Variants in KCNQ1 observed in about 807,000 individuals in gnomAD.
KCNQ1 encodes the protein potassium voltage-gated channel subfamily KQT member 1.
In KCNQ1, 49 loss-of-function variants were observed where a neutral mutation model predicts 72.4. The observed-to-expected ratio is 0.68, with a 90% confidence interval of 0.54 to 0.86. The LOEUF (loss-of-function observed/expected upper bound fraction) is 0.86, where lower values mean the gene tolerates loss of function less well. Among genes scored for constraint, KCNQ1 ranks in the 40% least tolerant of loss-of-function variants. The probability of loss-of-function intolerance (pLI) is 0.00; values close to 1 mark genes in which losing one functional copy is unlikely to be tolerated. For missense variants in KCNQ1, 790 were observed against 945.1 expected (o/e 0.84, Z 2.15); for synonymous variants, 450 against 412.6 (o/e 1.09, Z -1.10).
intron 2 of KCNQ1, among the ~76,000 whole-genome samples, chr11:2,545,613 TAG>T (rs1847893429): frequency 6.6e-6 from 1 of 152,166 alleles, no homozygotes; most frequent in Non-Finnish European, 1.5e-5. Flanking sequence ...AGGTGATTGA[TAG>T]GTGATAATTA....
In KCNQ1 at chr11:2,562,246, G is replaced by A. The variant is rs1328001910; in HGVS notation, c.478-8382G>A. On this transcript the variant is annotated intron_variant, in intron 2 of 15. Coordinates refer to ENST00000155840, the MANE Select transcript of KCNQ1 (RefSeq NM_000218.3). This position sits in a 1 kb window ranked among gnomAD's most constrained non-coding sequence, Gnocchi z 7.5. ...TGAGGGCGGGGGTGAGTGTGGATGA[G>A]GGCCCCAGCTGTGCCCAGCACGTCA... 6.6e-6 allele frequency among the ~76,000 whole-genome samples: 1 copy of A among 152,120 alleles called. No individual in the cohort carries two copies. Among genetic ancestry groups the A allele is most frequent in the East Asian group, 1.9e-4 (1 of 5,178 alleles).
Position 2,658,222 on chromosome 11 carries a change from T to C in KCNQ1, c.1394-3739T>C, listed in dbSNP as rs1326017699. On this transcript the variant is annotated intron_variant, in intron 10 of 15. Coordinates refer to ENST00000155840, the MANE Select transcript of KCNQ1 (RefSeq NM_000218.3). This position sits in a 1 kb window ranked among gnomAD's most constrained non-coding sequence, Gnocchi z 4.9. Reference sequence around the variant, plus strand: ...ACTAATTTCAGCATTCATTCATGGATCGTTTTCCTGCAGCAAATATTACCG... The same window carrying C: ...ACTAATTTCAGCATTCATTCATGGACCGTTTTCCTGCAGCAAATATTACCG... 2.5e-6 allele frequency: 1 copy of C among 398,486 alleles called. No homozygotes were observed. The highest frequency in any genetic ancestry group is 4.4e-5 in the Admixed American group (1 of 22,710). The allele number at this position is 398,486 out of a possible 1,614,324, so 24.7% of individuals were successfully genotyped here. A position where few individuals can be genotyped will look rare whatever the true frequency, so the allele number is the denominator to read the frequency against.
In KCNQ1 at chr11:2,647,768, A is replaced by ATAT; in HGVS notation, c.1394-14193_1394-14192insTAT. The stretch of plus-strand genomic sequence containing the variant: ...TTTATCTCTTTCCTCTAGGTTTTCT[A>ATAT]ATTGTTGACATATAGTTGTTCATAA... On this transcript the variant is annotated intron_variant, in intron 10 of 15. Coordinates refer to ENST00000155840, the MANE Select transcript of KCNQ1 (RefSeq NM_000218.3). This position sits in a 1 kb window ranked among gnomAD's most constrained non-coding sequence, Gnocchi z 4.0. The ATAT allele has an allele frequency of 2.5e-6, 1 of 398,352 alleles. No individual in the cohort carries two copies. Among genetic ancestry groups the ATAT allele is most frequent in the Non-Finnish European group, 4.4e-6 (1 of 226,008 alleles). 24.7% of individuals were successfully genotyped at this position (398,352 alleles called of 1,614,324 possible). A position where few individuals can be genotyped will look rare whatever the true frequency, so the allele number is the denominator to read the frequency against.
intron 11 of KCNQ1, among the ~76,000 whole-genome samples, chr11:2,726,134 G>A (rs1036491126): frequency 6.6e-6 from 1 of 152,208 alleles, no homozygotes; most frequent in African/African-American, 2.4e-5. Flanking sequence ...CACTAAGGAG[G>A]ACCACCTGCC....
At chr11:2,733,717 T>C (rs1355409693) in intron 11 of KCNQ1, among the ~76,000 whole-genome samples, 1 of 148,892 alleles carries the variant, frequency 6.7e-6, no homozygotes, top group African/African-American at 2.5e-5. Context: ...TAGAGCCTCC[T>C]GGAGGGCAGA....
chr11:2,762,736 G>A lies in KCNQ1; in HGVS notation c.1515-6108G>A, dbSNP rs1388936689. Among the ~76,000 whole-genome samples the A allele has an allele frequency of 6.6e-6, 1 of 152,190 alleles. No individual in the cohort carries two copies. The highest frequency in any genetic ancestry group is 1.5e-5 in the Non-Finnish European group (1 of 68,034). ...TGCACATGTGAGGGGTCTAGGCTGT[G>A]TACTCCTTATGAGAATCTAATGCCT... On this transcript the variant is annotated intron_variant, in intron 11 of 15. Coordinates refer to ENST00000155840, the MANE Select transcript of KCNQ1 (RefSeq NM_000218.3). The surrounding 1 kb of genome is among the most constrained non-coding windows in gnomAD (Gnocchi z 4.3).
In KCNQ1 at chr11:2,676,503, A is replaced by C; in HGVS notation, c.1514+14422A>C. Reference sequence around the variant, plus strand: ...TCTGGCATCAGTTCCATTTCTGGTGAACACTTGGACTTGGCAAAAGGCATA... The same window carrying C: ...TCTGGCATCAGTTCCATTTCTGGTGCACACTTGGACTTGGCAAAAGGCATA... On this transcript the variant is annotated intron_variant, in intron 11 of 15. Coordinates refer to ENST00000155840, the MANE Select transcript of KCNQ1 (RefSeq NM_000218.3). This position sits in a 1 kb window ranked among gnomAD's most constrained non-coding sequence, Gnocchi z 4.2. 2.5e-6 allele frequency: 1 copy of C among 398,670 alleles called. No individual in the cohort carries two copies. The highest frequency in any genetic ancestry group is 4.4e-6 in the Non-Finnish European group (1 of 226,096). The allele number at this position is 398,670 out of a possible 1,614,324, so 24.7% of individuals were successfully genotyped here. A position where few individuals can be genotyped will look rare whatever the true frequency, so the allele number is the denominator to read the frequency against.
intron 12 of KCNQ1, among the ~76,000 whole-genome samples, chr11:2,775,676 G>A (rs1258054795): frequency 6.6e-6 from 1 of 152,214 alleles, no homozygotes; most frequent in African/African-American, 2.4e-5. Context: ...GTGGTGGGGG[G>A]TGGAAGGGAG....
In KCNQ1 at chr11:2,588,728, T is replaced by C; in HGVS notation, c.1267T>C (p.Phe423Leu). 1 of 1,613,018 alleles carries C rather than the reference T, an allele frequency of 6.2e-7. No homozygotes were observed. The highest frequency in any genetic ancestry group is 1.1e-5 in the South Asian group (1 of 90,982). Residue 423 changes from phenylalanine (F) to leucine (L), a missense_variant, in exon 10 of 16, where the codon TTC becomes CTC. Transcript: ENST00000155840. The surrounding 1 kb of genome is among the most constrained non-coding windows in gnomAD (Gnocchi z 5.6). ...KKSVVVKKKK[F>L]KLDKDNGVTP... ...TTTTTTTTAGGTAAAGAAAAAAAAG[T>C]TCAAGCTGGACAAAGACAATGGGGT...
chr11:2,604,604 G>C (rs1026601694), intron 10 of KCNQ1, among the ~76,000 whole-genome samples: 10 of 150,606 alleles, frequency 6.6e-5, no homozygotes, highest in Admixed American at 5.3e-4. Context: ...GAGTGCAGTG[G>C]CGCGATCTGA....
In KCNQ1 at chr11:2,617,023, G is replaced by A. The variant is rs565936624; in HGVS notation, c.1393+28169G>A. On this transcript the variant is annotated intron_variant, in intron 10 of 15. Coordinates refer to ENST00000155840, the MANE Select transcript of KCNQ1 (RefSeq NM_000218.3). The surrounding 1 kb of genome is among the most constrained non-coding windows in gnomAD (Gnocchi z 4.6). The stretch of plus-strand genomic sequence containing the variant: ...AGTGTATAAAACATACAGTTAAATC[G>A]TTAACATAGTGATGCAAATTAATAT... 3.8e-5 allele frequency: 15 copies of A among 397,422 alleles called. No homozygotes were observed. The highest frequency in any genetic ancestry group is 7.1e-5 in the East Asian group (2 of 28,016). The allele number at this position is 397,422 out of a possible 1,614,324, so 24.6% of individuals were successfully genotyped here.
At chr11:2,558,136 C>T (rs1302006391) in intron 2 of KCNQ1, among the ~76,000 whole-genome samples, 10 of 152,218 alleles carry the variant, frequency 6.6e-5, no homozygotes, top group Non-Finnish European at 1.0e-4. Flanking sequence ...CGTTATGAGA[C>T]GTAGGCCCCG....
rs1248751691 is a variant in KCNQ1, at chr11:2,698,867, G to A, written c.1514+36786G>A. ...TGCGGACTCCAGACCCGGACTGACT[G>A]GGACCCCAACTACTCAGATCCCAAC... On this transcript the variant is annotated intron_variant, in intron 11 of 15. Coordinates refer to ENST00000155840, the MANE Select transcript of KCNQ1 (RefSeq NM_000218.3). This position sits in a 1 kb window ranked among gnomAD's most constrained non-coding sequence, Gnocchi z 5.1. 5.0e-6 allele frequency: 2 copies of A among 398,586 alleles called. No homozygotes were observed. The highest frequency in any genetic ancestry group is 8.8e-6 in the Non-Finnish European group (2 of 226,214). 24.7% of individuals were successfully genotyped at this position (398,586 alleles called of 1,614,324 possible).
Position 2,687,826 on chromosome 11 carries a change from G to T in KCNQ1, c.1514+25745G>T, listed in dbSNP as rs1270378127. ...TGGCCCCCCTCCTCTGCCCCAACTG[G>T]CTCCAGGCCAAACTCTGGTTCCTGA... On this transcript the variant is annotated intron_variant, in intron 11 of 15. Transcript: ENST00000155840. This position sits in a 1 kb window ranked among gnomAD's most constrained non-coding sequence, Gnocchi z 5.0. 3 of 398,608 alleles carry T rather than the reference G, an allele frequency of 7.5e-6. No homozygotes were observed. Among genetic ancestry groups the T allele is most frequent in the Non-Finnish European group, 8.8e-6 (2 of 226,166 alleles). 24.7% of individuals were successfully genotyped at this position (398,608 alleles called of 1,614,324 possible). A position where few individuals can be genotyped will look rare whatever the true frequency, so the allele number is the denominator to read the frequency against.
At chr11:2,590,637 G>C (rs1188194294) in intron 10 of KCNQ1, among the ~76,000 whole-genome samples, 1 of 152,242 alleles carries the variant, frequency 6.6e-6, no homozygotes, top group East Asian at 1.9e-4. Context: ...ATTGGTTCCT[G>C]CTTACTTTGT....
intron 7 of KCNQ1, among the ~76,000 whole-genome samples, chr11:2,584,761 C>T (rs1848568290): frequency 6.6e-6 from 1 of 152,118 alleles, no homozygotes; most frequent in Non-Finnish European, 1.5e-5. Flanking sequence ...ACCACGTGAT[C>T]TCCTCTGTAG....
At position 2,725,277 on chromosome 11, in the gene KCNQ1, C is replaced by A. The variant is rs898306717; in HGVS notation, c.1515-43567C>A. Among the ~76,000 whole-genome samples, 4 of 152,334 alleles carry A rather than the reference C, an allele frequency of 2.6e-5. No individual in the cohort carries two copies. In the South Asian group the frequency reaches 8.3e-4, roughly 32 times the overall value. On this transcript the variant is annotated intron_variant, in intron 11 of 15. Coordinates refer to ENST00000155840, the MANE Select transcript of KCNQ1 (RefSeq NM_000218.3). This position sits in a 1 kb window ranked among gnomAD's most constrained non-coding sequence, Gnocchi z 7.2. Reference sequence around the variant, plus strand: ...AGACGGCTGGACTTGTGAAACACTCCAGGGTCGGGGGCTCAGCCACGGGAC... The same window carrying A: ...AGACGGCTGGACTTGTGAAACACTCAAGGGTCGGGGGCTCAGCCACGGGAC...
intron 2 of KCNQ1, among the ~76,000 whole-genome samples, chr11:2,552,310 C>G (rs1005266852): frequency 5.9e-5 from 9 of 152,258 alleles, no homozygotes; most frequent in Admixed American, 5.2e-4. Context: ...TTAAATCTTT[C>G]TGCATGTGGT....
At position 2,772,848 on chromosome 11, in the gene KCNQ1, T is replaced by G. The variant is rs967733570; in HGVS notation, c.1591-3112T>G. Among the ~76,000 whole-genome samples the G allele has an allele frequency of 2.0e-5, 3 of 152,188 alleles. No individual in the cohort carries two copies. The highest frequency in any genetic ancestry group is 2.9e-5 in the Non-Finnish European group (2 of 68,016). ...CCTAGGGCTTGGTTTTCCCCTGCCC[T>G]GCCTCCCTTCACCTGCCCACACCGC... On this transcript the variant is annotated intron_variant, in intron 12 of 15. Transcript: ENST00000155840. The surrounding 1 kb of genome is among the most constrained non-coding windows in gnomAD (Gnocchi z 6.6).
Sources: allele counts gnomAD v4.1 joint callset (sites outside exome capture counted in the v4.1 genomes callset), GRCh38; gene constraint gnomAD v4.1.1; non-coding constraint Gnocchi (gnomAD v3.1); transcripts MANE v1.5; gene names NCBI Gene and HGNC (gene_info 2026-07-23, HGNC 2026-07-21).